Variants in SH3RF1 observed in about 807,000 individuals in gnomAD.
SH3RF1 encodes SH3 domain containing ring finger 1, also known as E3 ubiquitin-protein ligase SH3RF1.
In SH3RF1, 32 loss-of-function variants were observed where a neutral mutation model predicts 74.0. The ratio of observed to expected loss-of-function variants is 0.43; its 90% CI spans 0.33 to 0.58. The LOEUF (loss-of-function observed/expected upper bound fraction) is 0.58, where lower values mean the gene tolerates loss of function less well. Ranked by LOEUF, SH3RF1 falls within the 20% of genes least tolerant of loss-of-function variation. The pLI, the probability that SH3RF1 is intolerant of heterozygous loss-of-function variation, is 0.05. For synonymous variants in SH3RF1, 396 were observed against 439.6 expected (o/e 0.90, Z 1.24); for missense variants, 954 against 1,130.9 (o/e 0.84, Z 2.24).
chr4:169,157,240 A>G (rs1029640896), intron 2 of SH3RF1, among the ~76,000 whole-genome samples: 2 of 152,202 alleles, frequency 1.3e-5, no homozygotes, highest in Non-Finnish European at 2.9e-5. Context: ...CATGAGCTCA[A>G]TGAGTATTTA....
chr4:169,136,682 GTTTA>G (rs1733708933), intron 4 of SH3RF1, 62 bp from the exon 5 acceptor site: 1 of 1,439,870 alleles, frequency 6.9e-7, no homozygotes, highest in South Asian at 1.6e-5. Flanking sequence ...ATTCCCTGAG[GTTTA>G]TTTCCAACAT....
chr4:169,184,248 T>C (rs1217945913), intron 2 of SH3RF1, among the ~76,000 whole-genome samples: 2 of 152,234 alleles, frequency 1.3e-5, no homozygotes, highest in Non-Finnish European at 2.9e-5. Flanking sequence ...AATTATCTAC[T>C]GACTGCTTTG....
intron 2 of SH3RF1, among the ~76,000 whole-genome samples, chr4:169,223,258 G>C (rs1469268489): frequency 6.6e-6 from 1 of 152,140 alleles, no homozygotes; most frequent in African/African-American, 2.4e-5. Flanking sequence ...TGGATCAGAA[G>C]GGAAGATAGA....
Position 169,130,063 on chromosome 4 carries a change from A to C in SH3RF1, c.1162T>G (p.Tyr388Asp). 6.2e-7 allele frequency: 1 copy of C among 1,613,670 alleles called. No individual in the cohort carries two copies. Among genetic ancestry groups the C allele is most frequent in the Non-Finnish European group, 8.5e-7 (1 of 1,179,820 alleles). Residue 388 changes from tyrosine to aspartate, a missense_variant, in exon 6 of 12, where the codon TAC (tyrosine) becomes GAC (aspartate). Physicochemically the swap from Tyr to Asp is radical, Grantham distance 160. Around this residue, in one of 3 missense-constraint regions of SH3RF1, gnomAD observed 854 missense variants for 962.5 expected, o/e 0.89. Coordinates refer to ENST00000284637, the MANE Select transcript of SH3RF1 (RefSeq NM_020870.4). ...PSFTFPSDVP[Y>D]QAALGTLNPP... The stretch of plus-strand genomic sequence containing the variant: ...ATACTCACTCCAAGGGCAGCTTGGT[A>C]GGGAACATCTGATGGGAAAGTAAAC...
intron 2 of SH3RF1, among the ~76,000 whole-genome samples, chr4:169,244,157 A>G (rs1270196215): frequency 2.6e-5 from 4 of 152,176 alleles, no homozygotes; most frequent in Non-Finnish European, 5.9e-5. Flanking sequence ...ATATGTTTTA[A>G]GACATTTATT....
intron 2 of SH3RF1, among the ~76,000 whole-genome samples, chr4:169,237,982 C>T (rs541916976): frequency 6.6e-6 from 1 of 152,154 alleles, no homozygotes; most frequent in South Asian, 2.1e-4. Context: ...CCTATTAGGT[C>T]GGGTTAGCAA....
chr4:169,144,831 C>T (rs1387784047), intron 4 of SH3RF1, among the ~76,000 whole-genome samples: 1 of 151,772 alleles, frequency 6.6e-6, no homozygotes, highest in East Asian at 1.9e-4. Context: ...TTTTAAAAAC[C>T]ACTCTAAGTC....
intron 2 of SH3RF1, chr4:169,220,299 A>G (rs1260341867): frequency 2.6e-5 from 4 of 152,226 alleles, no homozygotes; most frequent in African/African-American, 9.6e-5. Context: ...GTCCACAGCT[A>G]GCTGACACTT....
chr4:169,105,033 C>T (rs185201419), intron 11 of SH3RF1, among the ~76,000 whole-genome samples: 1 of 151,958 alleles, frequency 6.6e-6, no homozygotes, highest in Admixed American at 6.5e-5. Flanking sequence ...ATGCAGGCCT[C>T]AGGTTTTGGT....
At chr4:169,239,999 G>C (rs969399109) in intron 2 of SH3RF1, among the ~76,000 whole-genome samples, 2 of 152,084 alleles carry the variant, frequency 1.3e-5, no homozygotes, top group African/African-American at 4.8e-5. Context: ...ACTCCAGCCT[G>C]GGCAACAGAG....
intron 2 of SH3RF1, among the ~76,000 whole-genome samples, chr4:169,162,349 C>T (rs1734162576): frequency 6.6e-6 from 1 of 152,142 alleles, no homozygotes; most frequent in Non-Finnish European, 1.5e-5. Flanking sequence ...TATGATTTGG[C>T]CATCACTACT....
At chr4:169,243,466 T>C (rs1730946640) in intron 2 of SH3RF1, among the ~76,000 whole-genome samples, 1 of 152,226 alleles carries the variant, frequency 6.6e-6, no homozygotes, top group Non-Finnish European at 1.5e-5. Flanking sequence ...TGAGCCAAGA[T>C]CGTGCCACTG....
Position 169,255,747 on chromosome 4 carries a change from A to C in SH3RF1, c.393+13073T>G, listed in dbSNP as rs1449832195. ...ACATCCATGTTTTAACAATGGGCAT[A>C]ATAATCTTTCCTAACATTACTTTTT... On this transcript the variant is annotated intron_variant, in intron 2 of 11. Transcript: ENST00000284637. Among the ~76,000 whole-genome samples, 4 of 151,964 alleles carry C rather than the reference A, an allele frequency of 2.6e-5. No homozygotes were observed. The East Asian group carries it at 7.7e-4, about 29-fold the overall frequency.
At chr4:169,222,722 T>G (rs957855200) in intron 2 of SH3RF1, among the ~76,000 whole-genome samples, 1 of 152,152 alleles carries the variant, frequency 6.6e-6, no homozygotes, top group Non-Finnish European at 1.5e-5. Flanking sequence ...TCTTTCACCT[T>G]CTAAAATGCA....
intron 11 of SH3RF1, among the ~76,000 whole-genome samples, chr4:169,100,567 C>T (rs897073382): frequency 6.6e-6 from 1 of 152,124 alleles, no homozygotes; most frequent in African/African-American, 2.4e-5. Flanking sequence ...GTCTCTAACT[C>T]CTGACCTGGT....
Position 169,133,973 on chromosome 4 carries a change from C to T in SH3RF1, c.1068+2345G>A, listed in dbSNP as rs117221816. Among the ~76,000 whole-genome samples the T allele has an allele frequency of 0.013, 1,976 of 152,240 alleles. 96 individuals carry two copies. The East Asian group carries it at 0.16, about 12-fold the overall frequency. ...GTCTTACATGAGCCATTTCCCCATA[C>T]GCACTGATCTCCATGGTTGGAAGAG... On this transcript the variant is annotated intron_variant, in intron 5 of 11. Transcript: ENST00000284637.
chr4:169,157,078 G>A (rs992220667), intron 2 of SH3RF1, among the ~76,000 whole-genome samples: 1 of 152,154 alleles, frequency 6.6e-6, no homozygotes, highest in South Asian at 2.1e-4. Context: ...AAACACTGAG[G>A]AGAAATGATA....
intron 4 of SH3RF1, among the ~76,000 whole-genome samples, chr4:169,155,207 G>A (rs1734031654): frequency 6.6e-6 from 1 of 152,192 alleles, no homozygotes; most frequent in Non-Finnish European, 1.5e-5. Context: ...ACAGGAAATA[G>A]TGTAGGTGAC....
chr4:169,183,477 C>T (rs551135699), intron 2 of SH3RF1, among the ~76,000 whole-genome samples: 2 of 152,146 alleles, frequency 1.3e-5, no homozygotes, highest in South Asian at 2.1e-4. Flanking sequence ...GACAGGGTTT[C>T]ACCATGTTGG....
Sources: allele counts gnomAD v4.1 joint callset (sites outside exome capture counted in the v4.1 genomes callset), GRCh38; gene constraint gnomAD v4.1.1; regional missense constraint gnomAD v4.1.1; transcripts MANE v1.5; gene names NCBI Gene and HGNC (gene_info 2026-07-23, HGNC 2026-07-21).